The following DDO variants were observed in gnomAD, a reference collection of about 807,000 sequenced individuals.
DDO encodes D-aspartate oxidase.
In DDO, 16 loss-of-function variants were observed where a neutral mutation model predicts 16.8. The observed-to-expected ratio is 0.95, with a 90% CI of 0.65 to 1.45. The LOEUF (loss-of-function observed/expected upper bound fraction) is 1.45. Ranked by LOEUF, DDO falls within the 40% of genes most tolerant of loss-of-function variation. The pLI is 0.00. For synonymous variants in DDO, 180 were observed against 167.2 expected (o/e 1.08, Z -0.59); for missense variants, 429 against 420.3 (o/e 1.02, Z -0.18).
intron 4 of DDO, among the ~76,000 whole-genome samples, chr6:110,397,288 T>C (rs1055300187): frequency 1.3e-5 from 2 of 152,250 alleles, no homozygotes; most frequent in Admixed American, 1.3e-4. Flanking sequence ...TCTATGTGTA[T>C]TCTTATCCTC....
chr6:110,393,264 C>T lies in DDO; in HGVS notation c.537G>A (p.Val179=). 1 of 1,614,004 alleles carries T rather than the reference C, an allele frequency of 6.2e-7. No homozygotes were observed. Among genetic ancestry groups the T allele is most frequent in the Non-Finnish European group, 8.5e-7 (1 of 1,179,936 alleles). The change falls in exon 5 of 5, where the codon GTG becomes GTA. Residue 179 remains valine (V), a synonymous_variant. Transcript: ENST00000368924. ...LWELHPSFDI[V]VNCSGLGSRQ... ...TGCTTCCAAGGCCTGAACAGTTGAC[C>T]ACGATGTCAAAGGACGGATGAAGTT...
At chr6:110,413,237 A>G in intron 2 of DDO, 54 bp downstream of exon 2, 1 of 1,576,020 alleles carries the variant, frequency 6.3e-7, no homozygotes, top group Non-Finnish European at 8.7e-7. Flanking sequence ...AATTCCACTA[A>G]CATCATTCTA....
At chr6:110,390,575 G>A (rs1377085973), downstream of DDO, among the ~76,000 whole-genome samples, 2 of 152,200 alleles carry the variant, frequency 1.3e-5, no homozygotes, top group Admixed American at 1.3e-4. Context: ...GCAGAGTGAA[G>A]CTGAACTAGA....
At chr6:110,400,349 G>GGGC (rs1773442909) in intron 4 of DDO, among the ~76,000 whole-genome samples, 1 of 148,500 alleles carries the variant, frequency 6.7e-6, no homozygotes, top group Admixed American at 6.7e-5. Flanking sequence ...GGGCCGGGGC[G>GGGC]GGGACTGGCG....
intron 4 of DDO, among the ~76,000 whole-genome samples, chr6:110,403,904 A>G (rs923046123): frequency 2.6e-5 from 4 of 152,212 alleles, no homozygotes; most frequent in Admixed American, 2.6e-4. Flanking sequence ...GCGTTCAACA[A>G]AAGTTGTGTA....
chr6:110,392,399 A>G lies in DDO; in HGVS notation c.*376T>C, dbSNP rs552455084. ...TGGACATCAGTTCTAAATAAATTTT[A>G]CTCTATAAGAAGTATTTTTAACAAA... On this transcript the variant is annotated 3_prime_UTR_variant, in exon 5 of 5. Transcript: ENST00000368924. 2.0e-6 allele frequency: 2 copies of G among 995,688 alleles called. No homozygotes were observed. Among genetic ancestry groups the G allele is most frequent in the South Asian group, 4.7e-5 (1 of 21,344 alleles). The allele number at this position is 995,688 out of a possible 1,614,324, so 61.7% of individuals were successfully genotyped here.
intron 4 of DDO, among the ~76,000 whole-genome samples, chr6:110,397,394 G>A (rs184925228): frequency 6.6e-6 from 1 of 152,146 alleles, no homozygotes; most frequent in East Asian, 1.9e-4. Context: ...GATTTTGTGG[G>A]TTTTTTAAAT....
At position 110,392,976 on chromosome 6, in the gene DDO, C is replaced by G; in HGVS notation, c.825G>C (p.Val275=). 1 of 1,613,034 alleles carries G rather than the reference C, an allele frequency of 6.2e-7. No individual in the cohort carries two copies. The highest frequency in any genetic ancestry group is 1.7e-4 in the Middle Eastern group (1 of 6,058). Residue 275 remains valine, a synonymous_variant, in exon 5 of 5, where the codon GTG becomes GTC. Coordinates refer to ENST00000368924, the MANE Select transcript of DDO (RefSeq NM_001372108.2). Reference sequence around the variant, plus strand: ...CGCCTGGCCTGTAGGGCCTCAAGCCCACCTTCTCCCTGATGTTGCAGGCTC... The same window carrying G: ...CGCCTGGCCTGTAGGGCCTCAAGCCGACCTTCTCCCTGATGTTGCAGGCTC... ...LHGACNIREK[V]GLRPYRPGVR... is the part of the protein sequence containing the mutation.
chr6:110,400,847 G>A (rs1396065173), intron 4 of DDO, among the ~76,000 whole-genome samples: 2 of 152,254 alleles, frequency 1.3e-5, no homozygotes, highest in African/African-American at 2.4e-5. Context: ...TGGGCACCCA[G>A]AGGACCCCTG....
chr6:110,410,037 T>A (rs546854040), intron 2 of DDO, among the ~76,000 whole-genome samples: 13 of 151,560 alleles, frequency 8.6e-5, no homozygotes, highest in African/African-American at 3.2e-4. Context: ...ATGCTTTACA[T>A]GTATCAACTC....
At chr6:110,414,414 T>C (rs1015608537) in intron 1 of DDO, among the ~76,000 whole-genome samples, 1 of 152,212 alleles carries the variant, frequency 6.6e-6, no homozygotes, top group Non-Finnish European at 1.5e-5. Flanking sequence ...CTTGCTCCTT[T>C]GGGTGGTAAA....
At chr6:110,399,911 G>A (rs1773419672) in intron 4 of DDO, among the ~76,000 whole-genome samples, 1 of 152,224 alleles carries the variant, frequency 6.6e-6, no homozygotes, top group African/African-American at 2.4e-5. Flanking sequence ...GGTCTCCCCA[G>A]GACTCGGGTA....
Position 110,392,970 on chromosome 6 carries a change from C to T in DDO, c.831G>A (p.Leu277=). ...GTCGCACGCCTGGCCTGTAGGGCCT[C>T]AAGCCCACCTTCTCCCTGATGTTGC... ...GACNIREKVG[L]RPYRPGVRLQ... The change falls in exon 5 of 5, where the codon TTG becomes TTA. Residue 277 remains leucine (L), a synonymous_variant. Transcript: ENST00000368924. 1 of 1,613,644 alleles carries T rather than the reference C, an allele frequency of 6.2e-7. No homozygotes were observed. The highest frequency in any genetic ancestry group is 8.5e-7 in the Non-Finnish European group (1 of 1,179,566).
At chr6:110,393,388 C>G in intron 4 of DDO, 46 bp from the exon 5 acceptor site, 1 of 1,504,816 alleles carries the variant, frequency 6.6e-7, no homozygotes, top group Non-Finnish European at 8.8e-7. Context: ...GCGACCTGAT[C>G]AACTACTTCC....
chr6:110,395,881 A>T (rs1773273279), intron 4 of DDO, among the ~76,000 whole-genome samples: 1 of 152,078 alleles, frequency 6.6e-6, no homozygotes, highest in Admixed American at 6.6e-5. Context: ...TTTCTAGAAA[A>T]TGTCTCATGT....
downstream of DDO, among the ~76,000 whole-genome samples, chr6:110,389,591 T>A (rs1773067608): frequency 6.6e-6 from 1 of 152,214 alleles, no homozygotes; most frequent in Non-Finnish European, 1.5e-5. Context: ...ACTTCACATA[T>A]GTCCTGATAG....
intron 4 of DDO, among the ~76,000 whole-genome samples, chr6:110,404,499 T>C (rs1482508634): frequency 6.6e-6 from 1 of 152,190 alleles, no homozygotes; most frequent in Non-Finnish European, 1.5e-5. Context: ...TAAGAGGGTT[T>C]TACCTGGGGC....
At chr6:110,401,267 G>C (rs1400899785) in intron 4 of DDO, among the ~76,000 whole-genome samples, 2 of 152,150 alleles carry the variant, frequency 1.3e-5, no homozygotes, top group African/African-American at 4.8e-5. Context: ...TTGCAACAGA[G>C]TGAAAATTTC....
chr6:110,411,659 G>A (rs896285528), intron 2 of DDO, among the ~76,000 whole-genome samples: 4 of 152,092 alleles, frequency 2.6e-5, no homozygotes, highest in African/African-American at 9.6e-5. Context: ...AAATAGGAGG[G>A]GGACAAAGCT....
Sources: gnomAD v4.1 joint callset for allele counts (sites outside exome capture counted in the v4.1 genomes callset) on GRCh38, gnomAD v4.1.1 for gene constraint, MANE v1.5 for transcripts, NCBI Gene and HGNC (gene_info 2026-07-23, HGNC 2026-07-21) for gene names.